The following CASZ1 variants were observed in gnomAD, a reference collection of about 807,000 sequenced individuals.
The protein encoded by CASZ1 is zinc finger protein castor homolog 1.
Under a neutral mutation model 135.2 loss-of-function variants are expected in CASZ1, and 28 were observed. The ratio of observed to expected loss-of-function variants is 0.21; its 90% CI spans 0.15 to 0.28. CASZ1 has a LOEUF of 0.28. Among genes scored for constraint, CASZ1 ranks in the 10% least tolerant of loss-of-function variants. The pLI is 1.00. For synonymous variants in CASZ1, 1,068 were observed against 1,073.4 expected (o/e 0.99, Z 0.10); for missense variants, 2,161 against 2,453.3 (o/e 0.88, Z 2.52).
intron 2 of CASZ1, among the ~76,000 whole-genome samples, chr1:10,718,845 GGAA>G (rs1181794474): frequency 2.6e-5 from 4 of 152,204 alleles, no homozygotes; most frequent in African/African-American, 9.7e-5. Flanking sequence ...GCCCACAAGA[GGAA>G]TTACTGCCTC....
At chr1:10,643,587 T>G (rs1570398127) in intron 18 of CASZ1, among the ~76,000 whole-genome samples, 1 of 152,076 alleles carries the variant, frequency 6.6e-6, no homozygotes, top group South Asian at 2.1e-4. Context: ...CACAGGGAGG[T>G]GCACAGTTCC....
chr1:10,647,633 G>A lies in CASZ1; in HGVS notation c.3497+168C>T. ...CTCTGGGACAGGCAGTGAGGTAGGAGCAGCAGCATCTTTGGCTAGAAGGAC... is the reference window on the plus strand; with the variant it reads ...CTCTGGGACAGGCAGTGAGGTAGGAACAGCAGCATCTTTGGCTAGAAGGAC... On this transcript the variant is annotated intron_variant, in intron 16 of 20. Transcript: ENST00000377022. The surrounding 1 kb of genome is among the most constrained non-coding windows in gnomAD (Gnocchi z 4.9). The A allele has an allele frequency of 6.8e-7, 1 of 1,464,030 alleles. No homozygotes were observed. The highest frequency in any genetic ancestry group is 2.5e-5 in the East Asian group (1 of 40,314). 90.7% of individuals were successfully genotyped at this position (1,464,030 alleles called of 1,614,324 possible). A position where few individuals can be genotyped will look rare whatever the true frequency, so the allele number is the denominator to read the frequency against.
At chr1:10,781,993 C>T (rs1174526720) in intron 1 of CASZ1, among the ~76,000 whole-genome samples, 1 of 152,244 alleles carries the variant, frequency 6.6e-6, no homozygotes, top group Admixed American at 6.5e-5. Context: ...CAGAAAGAGT[C>T]CCCTGAGGGG....
intron 1 of CASZ1, among the ~76,000 whole-genome samples, chr1:10,784,216 G>T (rs2100618527): frequency 6.6e-6 from 1 of 152,348 alleles, no homozygotes; most frequent in East Asian, 1.9e-4. Context: ...CAGAGACCTT[G>T]GTCTTGGGAG....
intron 3 of CASZ1, chr1:10,704,603 TC>T (rs1639131613): frequency 6.6e-6 from 1 of 152,188 alleles, no homozygotes; most frequent in African/African-American, 2.4e-5. Context: ...CCAGAGCCGG[TC>T]GGTCGCAGCC....
intron 1 of CASZ1, among the ~76,000 whole-genome samples, chr1:10,782,712 G>C (rs61227177): frequency 1.3e-5 from 2 of 152,254 alleles, no homozygotes; most frequent in East Asian, 3.9e-4. Flanking sequence ...TAACTCATTC[G>C]GGATCGCTGG....
At chr1:10,712,961 C>A (rs1225292647) in intron 2 of CASZ1, among the ~76,000 whole-genome samples, 5 of 152,200 alleles carry the variant, frequency 3.3e-5, no homozygotes, top group Admixed American at 3.3e-4. Context: ...TCGAGGAGCC[C>A]CACCTCGAAG....
chr1:10,782,271 G>A (rs1031579317), intron 1 of CASZ1, among the ~76,000 whole-genome samples: 4 of 152,252 alleles, frequency 2.6e-5, no homozygotes, highest in African/African-American at 9.6e-5. Flanking sequence ...TGGCGAGAGG[G>A]CCTGGTACTA....
rs1333144822 is a variant in CASZ1 at position 10,700,980 on chromosome 1, A to G, written c.-24+4512T>C. Among the ~76,000 whole-genome samples the G allele has an allele frequency of 6.6e-6, 1 of 152,220 alleles. No individual in the cohort carries two copies. Among genetic ancestry groups the G allele is most frequent in the East Asian group, 1.9e-4 (1 of 5,198 alleles). The stretch of plus-strand genomic sequence containing the variant: ...GATCATATTAGCACTTCCTGAATAG[A>G]GTTGTTGTCACACAGCACTCAGCCC... On this transcript the variant is annotated intron_variant, in intron 3 of 20. Coordinates refer to ENST00000377022, the MANE Select transcript of CASZ1 (RefSeq NM_001079843.3). The surrounding 1 kb of genome is among the most constrained non-coding windows in gnomAD (Gnocchi z 4.2).
chr1:10,789,959 T>C (rs1640926690), intron 1 of CASZ1, among the ~76,000 whole-genome samples: 1 of 152,068 alleles, frequency 6.6e-6, no homozygotes. Flanking sequence ...CACAGCAACT[T>C]AACTTGGTGA....
chr1:10,725,050 G>A lies in CASZ1; in HGVS notation c.-76-19506C>T, dbSNP rs1639571742. 6.6e-6 allele frequency among the ~76,000 whole-genome samples: 1 copy of A among 152,250 alleles called. No homozygotes were observed. The highest frequency in any genetic ancestry group is 6.5e-5 in the Admixed American group (1 of 15,292). On this transcript the variant is annotated intron_variant, in intron 2 of 20. Coordinates refer to ENST00000377022, the MANE Select transcript of CASZ1 (RefSeq NM_001079843.3). This position sits in a 1 kb window ranked among gnomAD's most constrained non-coding sequence, Gnocchi z 4.4. ...CGGGAGGGAGCCCACAGAGGACGGA[G>A]GGAAGCAGCCCTCGCAGACGTGCAG...
At chr1:10,740,912 C>T (rs1368197319) in intron 2 of CASZ1, among the ~76,000 whole-genome samples, 1 of 136,548 alleles carries the variant, frequency 7.3e-6, no homozygotes, top group Non-Finnish European at 1.5e-5. Context: ...GAGCTATGAT[C>T]GCTTCACTGC....
intron 9 of CASZ1, among the ~76,000 whole-genome samples, chr1:10,655,102 G>A (rs968477939): frequency 2.0e-5 from 3 of 152,070 alleles, no homozygotes; most frequent in Non-Finnish European, 2.9e-5. Flanking sequence ...GAACACTCTC[G>A]TAGGCTGGGC....
chr1:10,662,203 C>T (rs186121093), intron 5 of CASZ1, among the ~76,000 whole-genome samples: 7 of 151,128 alleles, frequency 4.6e-5, no homozygotes, highest in South Asian at 4.2e-4. Flanking sequence ...CATATCCCCA[C>T]GCACAGTCAC....
In CASZ1 at chr1:10,762,176, A is replaced by G. The variant is rs1640391031; in HGVS notation, c.-233-1319T>C. Among the ~76,000 whole-genome samples the G allele has an allele frequency of 6.6e-6, 1 of 151,662 alleles. No individual in the cohort carries two copies. The highest frequency in any genetic ancestry group is 6.6e-5 in the Admixed American group (1 of 15,234). Reference sequence around the variant, plus strand: ...CTTTGAAGGTGAGAGCTTCAGCATCAGCTCTGCCCTACCTCGGCTGGGGCA... The same window carrying G: ...CTTTGAAGGTGAGAGCTTCAGCATCGGCTCTGCCCTACCTCGGCTGGGGCA... On this transcript the variant is annotated intron_variant, in intron 1 of 20. Coordinates refer to ENST00000377022, the MANE Select transcript of CASZ1 (RefSeq NM_001079843.3). The surrounding 1 kb of genome is among the most constrained non-coding windows in gnomAD (Gnocchi z 4.1).
Position 10,654,231 on chromosome 1 carries a change from T to C in CASZ1, c.1839-13A>G, listed in dbSNP as rs138401053. 1 of 1,612,782 alleles carries C rather than the reference T, an allele frequency of 6.2e-7. No homozygotes were observed. The highest frequency in any genetic ancestry group is 1.3e-5 in the African/African-American group (1 of 74,868). ...GCAGCCGGGGCGCCTGGATGGGACA[T>C]TGGGAGCCTGTCATGAGACCCAGAG... is the stretch of plus-strand genomic sequence containing the variant. On this transcript the variant is annotated splice_polypyrimidine_tract_variant and intron_variant, in intron 10 of 20. Transcript: ENST00000377022.
chr1:10,749,558 T>C (rs1640111632), intron 2 of CASZ1, among the ~76,000 whole-genome samples: 1 of 152,106 alleles, frequency 6.6e-6, no homozygotes, highest in South Asian at 2.1e-4. Context: ...ATCTTTCCTT[T>C]TATGCTGCAA....
chr1:10,681,756 G>A (rs566088920), intron 4 of CASZ1, among the ~76,000 whole-genome samples: 35 of 152,236 alleles, frequency 2.3e-4, no homozygotes, highest in Non-Finnish European at 4.6e-4. Context: ...CCAGGGACGT[G>A]GCCTGGCTTC....
chr1:10,660,625 A>G (rs769127987), intron 5 of CASZ1, 89 bp from the exon 6 acceptor site: 2 of 1,069,944 alleles, frequency 1.9e-6, no homozygotes, highest in Middle Eastern at 2.4e-4. Flanking sequence ...CCATAGAGGG[A>G]GGGGGTCAGT....
Sources: allele counts gnomAD v4.1 joint callset (sites outside exome capture counted in the v4.1 genomes callset), GRCh38; gene constraint gnomAD v4.1.1; non-coding constraint Gnocchi (gnomAD v3.1); transcripts MANE v1.5; gene names NCBI Gene and HGNC (gene_info 2026-07-23, HGNC 2026-07-21).